KMT2E: variants seen among roughly 807,000 people sequenced by gnomAD.
KMT2E encodes the protein histone reader KMT2E.
A neutral mutation model predicts 184.6 loss-of-function variants in KMT2E; 30 were observed. The observed-to-expected ratio is 0.16, with a 90% CI of 0.12 to 0.22. The LOEUF (loss-of-function observed/expected upper bound fraction) is 0.22. Ranked by LOEUF, KMT2E falls within the 10% of genes least tolerant of loss-of-function variation. KMT2E has a pLI of 1.00. For missense variants in KMT2E, 2,023 were observed against 2,237.4 expected (o/e 0.90, Z 1.93); for synonymous variants, 815 against 776.5 (o/e 1.05, Z -0.82).
At chr7:105,048,111 A>G (rs1010560856) in intron 3 of KMT2E, among the ~76,000 whole-genome samples, 6 of 152,186 alleles carry the variant, frequency 3.9e-5, no homozygotes, top group African/African-American at 1.4e-4. Context: ...ATCATGGGTC[A>G]CTGAAGCCTC....
intron 3 of KMT2E, among the ~76,000 whole-genome samples, chr7:105,043,448 G>T (rs1206097317): frequency 4.0e-5 from 6 of 151,478 alleles, no homozygotes; most frequent in Admixed American, 3.3e-4. Context: ...GTTTTAGCCG[G>T]GATGGTCTCG....
chr7:105,070,184 C>T (rs1295721505), intron 6 of KMT2E, among the ~76,000 whole-genome samples: 4 of 151,716 alleles, frequency 2.6e-5, no homozygotes, highest in Non-Finnish European at 5.9e-5. Context: ...TGTTTTTCCC[C>T]CTCTCTGGGT....
rs1798428547 is a variant in KMT2E at position 105,096,742 on chromosome 7, G to A, written c.1723-4683G>A. Reference sequence around the variant, plus strand: ...GAGGAAAGATAGACAGACAGATACAGGCCCATGAATGTGAACTGAATGAAG... The same window carrying A: ...GAGGAAAGATAGACAGACAGATACAAGCCCATGAATGTGAACTGAATGAAG... On this transcript the variant is annotated intron_variant, in intron 15 of 26. Coordinates refer to ENST00000311117, the MANE Select transcript of KMT2E (RefSeq NM_182931.3). Among the ~76,000 whole-genome samples, 4 of 152,196 alleles carry A rather than the reference G, an allele frequency of 2.6e-5. No individual in the cohort carries two copies. In the South Asian group the frequency reaches 8.3e-4, roughly 32 times the overall value.
At chr7:105,068,681 T>C (rs1293081705) in intron 6 of KMT2E, among the ~76,000 whole-genome samples, 4 of 147,378 alleles carry the variant, frequency 2.7e-5, no homozygotes, top group Non-Finnish European at 5.9e-5. Context: ...CACCATGTTG[T>C]CCAGGCTGGT....
Position 105,114,748 on chromosome 7 carries a change from C to T in KMT2E, c.*1415C>T, listed in dbSNP as rs1049649895. 2.0e-5 allele frequency among the ~76,000 whole-genome samples: 3 copies of T among 152,142 alleles called. No individual in the cohort carries two copies. Among genetic ancestry groups the T allele is most frequent in the African/African-American group, 7.2e-5 (3 of 41,440 alleles). On this transcript the variant is annotated 3_prime_UTR_variant, in exon 27 of 27. Coordinates refer to ENST00000311117, the MANE Select transcript of KMT2E (RefSeq NM_182931.3). ...GTGACCTCATTCAGTCATGTTTTTA[C>T]ACTTTGAACCTCTATTTATTTCCTT...
rs1799444612 is a variant in KMT2E at position 105,113,716 on chromosome 7, C to T, written c.*383C>T. 1 of 167,454 alleles carries T rather than the reference C, an allele frequency of 6.0e-6. No individual in the cohort carries two copies. Among genetic ancestry groups the T allele is most frequent in the Admixed American group, 6.2e-5 (1 of 16,030 alleles). 10.4% of individuals were successfully genotyped at this position (167,454 alleles called of 1,614,324 possible). On this transcript the variant is annotated 3_prime_UTR_variant, in exon 27 of 27. Transcript: ENST00000311117. ...GGATTTTTTTTTTCTTTCCTGTCAG[C>T]AGCAGTTCTGTGAATGCATCTTAGG...
intron 2 of KMT2E, among the ~76,000 whole-genome samples, chr7:105,040,473 G>GT (rs1795831722): frequency 6.6e-6 from 1 of 152,156 alleles, no homozygotes; most frequent in Non-Finnish European, 1.5e-5. Flanking sequence ...TTAGTCCATA[G>GT]TAAGTACTCA....
intron 6 of KMT2E, among the ~76,000 whole-genome samples, chr7:105,068,067 T>C (rs1297390353): frequency 6.6e-6 from 1 of 152,154 alleles, no homozygotes; most frequent in Non-Finnish European, 1.5e-5. Context: ...GATATTCATC[T>C]CTCAAGTTCC....
rs551652627 is a variant in KMT2E, at chr7:105,090,724, T to C, written c.1623+451T>C. ...ATAAGGTAATTTTGGGGGTAAAGTC[T>C]GGCCAAAGTCTACCTGCCCCACCAG... On this transcript the variant is annotated intron_variant, in intron 14 of 26. Coordinates refer to ENST00000311117, the MANE Select transcript of KMT2E (RefSeq NM_182931.3). Among the ~76,000 whole-genome samples the C allele has an allele frequency of 4.6e-5, 7 of 152,316 alleles. No homozygotes were observed. The South Asian group carries it at 1.0e-3, about 23-fold the overall frequency.
At chr7:105,079,669 C>T (rs1301252633) in intron 12 of KMT2E, among the ~76,000 whole-genome samples, 1 of 150,638 alleles carries the variant, frequency 6.6e-6, no homozygotes, top group Admixed American at 6.6e-5. Flanking sequence ...GGACTGCAGG[C>T]GTGTGCAACC....
At chr7:105,063,738 T>G in intron 5 of KMT2E, 158 bp downstream of exon 5, 1 of 580,922 alleles carries the variant, frequency 1.7e-6, no homozygotes, top group Non-Finnish European at 3.0e-6. Flanking sequence ...GCCTCCTATG[T>G]GAAAAAAGAG....
chr7:105,050,615 T>C (rs1433442589), intron 3 of KMT2E, among the ~76,000 whole-genome samples: 1 of 150,640 alleles, frequency 6.6e-6, no homozygotes, highest in African/African-American at 2.4e-5. Context: ...TCATCTATTT[T>C]TTTTCCTTTT....
At chr7:105,085,040 TTC>T (rs1469369123) in intron 13 of KMT2E, among the ~76,000 whole-genome samples, 3 of 151,956 alleles carry the variant, frequency 2.0e-5, no homozygotes, top group Non-Finnish European at 4.4e-5. Context: ...ACATAACTTT[TTC>T]TTTTTTTTTT....
chr7:105,018,945 A>G lies in KMT2E; in HGVS notation c.-189+4410A>G, dbSNP rs541817319. On this transcript the variant is annotated intron_variant, in intron 1 of 26. Coordinates refer to ENST00000311117, the MANE Select transcript of KMT2E (RefSeq NM_182931.3). ...TGCTATTAAACAATGAGTATTTTGCATTATATAAAATAAACAGTATTTTAC... is the reference window on the plus strand; with the variant it reads ...TGCTATTAAACAATGAGTATTTTGCGTTATATAAAATAAACAGTATTTTAC... Among the ~76,000 whole-genome samples, 4 of 152,298 alleles carry G rather than the reference A, an allele frequency of 2.6e-5. No homozygotes were observed. In the South Asian group the frequency reaches 8.3e-4, roughly 32 times the overall value.
intron 3 of KMT2E, among the ~76,000 whole-genome samples, chr7:105,047,232 G>C (rs1034550145): frequency 4.6e-5 from 7 of 152,196 alleles, no homozygotes; most frequent in African/African-American, 1.4e-4. Flanking sequence ...CAAAATTCCA[G>C]ACTCCCAGAA....
At chr7:105,100,054 T>G (rs1237004378) in intron 15 of KMT2E, among the ~76,000 whole-genome samples, 1 of 152,156 alleles carries the variant, frequency 6.6e-6, no homozygotes. Context: ...AGAACCATCT[T>G]TTGCATGTGC....
intron 3 of KMT2E, among the ~76,000 whole-genome samples, chr7:105,058,977 A>G (rs1165200130): frequency 2.0e-5 from 3 of 152,188 alleles, no homozygotes; most frequent in Non-Finnish European, 4.4e-5. Context: ...CCACTATATA[A>G]GCTCTTCACT....
intron 6 of KMT2E, among the ~76,000 whole-genome samples, chr7:105,068,639 G>GTTTTTTTTTTTTT (rs1162488673): frequency 1.8e-5 from 2 of 111,524 alleles, no homozygotes; most frequent in African/African-American, 4.0e-5. Flanking sequence ...TTTTTTTTTT[G>GTTTTTTTTTTTTT]TTTTTTTTTT....
In KMT2E at chr7:105,091,312, A is replaced by T; in HGVS notation, c.1720A>T (p.Met574Leu). The T allele has an allele frequency of 6.3e-7, 1 of 1,585,702 alleles. No individual in the cohort carries two copies. The highest frequency in any genetic ancestry group is 8.7e-7 in the Non-Finnish European group (1 of 1,154,208). Residue 574 changes from methionine to leucine, a missense_variant and splice_region_variant, in exon 15 of 27, where the codon ATG becomes TTG. Met to Leu is a conservative substitution (Grantham distance 15, BLOSUM62 2). This residue lies in a region of KMT2E where 514 missense variants were observed against 621.8 expected (regional missense o/e 0.83). Coordinates refer to ENST00000311117, the MANE Select transcript of KMT2E (RefSeq NM_182931.3). Reference protein sequence around the residue: ...EEQIAERKRKMTREERKMEAI... With the variant: ...EEQIAERKRKLTREERKMEAI... ...GCAGATTGCAGAAAGGAAAAGGAAG[A>T]TGGTAAGTTGGGAAGCCAGTAGTTT...
Sources: gnomAD v4.1 joint callset for allele counts (sites outside exome capture counted in the v4.1 genomes callset) on GRCh38, gnomAD v4.1.1 for gene constraint, gnomAD v4.1.1 regional missense constraint, MANE v1.5 for transcripts, NCBI Gene and HGNC (gene_info 2026-07-23, HGNC 2026-07-21) for gene names.